The following ADGRG6 variants were observed in gnomAD, a reference collection of about 807,000 sequenced individuals.
The protein encoded by ADGRG6 is G-protein coupled receptor 126.
In ADGRG6, 84 loss-of-function variants were observed where a neutral mutation model predicts 142.4. That is an observed-to-expected ratio of 0.59 (90% CI 0.49 to 0.71). The LOEUF is 0.71. ADGRG6 is among the 30% of genes least tolerant of loss of function. The pLI, the probability that ADGRG6 is intolerant of heterozygous loss-of-function variation, is 0.00. For missense variants in ADGRG6, 1,367 were observed against 1,466.6 expected (o/e 0.93, Z 1.11); for synonymous variants, 521 against 520.5 (o/e 1.00, Z -0.01).
chr6:142,419,962 G>A lies in ADGRG6; in HGVS notation c.3177G>A (p.Leu1059=), dbSNP rs941610508. The stretch of plus-strand genomic sequence containing the variant: ...ATGGCAAGAGAAGCAACCGGACCCT[G>A]AGAGAAGAAGTGTTAAGGAACCTGC... ...GRNGKRSNRT[L]REEVLRNLRS... is the part of the protein sequence containing the mutation. The change falls in exon 22 of 25, where the codon CTG becomes CTA. Residue 1059 remains leucine (L), a synonymous_variant. Transcript: ENST00000367609. 1.8e-5 allele frequency: 29 copies of A among 1,613,472 alleles called. No homozygotes were observed. In the African/African-American group the frequency reaches 3.3e-4, roughly 19 times the overall value.
chr6:142,380,618 T>A (rs965071329), intron 4 of ADGRG6, among the ~76,000 whole-genome samples: 2 of 152,178 alleles, frequency 1.3e-5, no homozygotes, highest in Non-Finnish European at 2.9e-5. Context: ...TTTTAGAAAT[T>A]CTGTCTGCCA....
intron 14 of ADGRG6, among the ~76,000 whole-genome samples, chr6:142,405,153 T>G (rs1775732263): frequency 6.6e-6 from 1 of 152,198 alleles, no homozygotes; most frequent in Non-Finnish European, 1.5e-5. Flanking sequence ...TTTCACATTT[T>G]AAGAGTAAAA....
At chr6:142,440,584 C>T (rs2115211140) in intron 24 of ADGRG6, among the ~76,000 whole-genome samples, 1 of 152,290 alleles carries the variant, frequency 6.6e-6, no homozygotes, top group South Asian at 2.1e-4. Flanking sequence ...ACGTGAGCCA[C>T]CACACTTAGC....
chr6:142,422,352 C>T (rs1224627600), intron 22 of ADGRG6, among the ~76,000 whole-genome samples: 3 of 152,014 alleles, frequency 2.0e-5, no homozygotes, highest in African/African-American at 7.3e-5. Context: ...GTGTGATATT[C>T]CCCTTCCTGT....
chr6:142,439,050 C>T (rs1777620038), intron 24 of ADGRG6, among the ~76,000 whole-genome samples: 1 of 152,124 alleles, frequency 6.6e-6, no homozygotes, highest in Non-Finnish European at 1.5e-5. Flanking sequence ...GCTCTGGAGG[C>T]TGAGATGGTG....
Position 142,370,451 on chromosome 6 carries a change from G to C in ADGRG6, c.727G>C (p.Glu243Gln). 3 of 1,613,468 alleles carry C rather than the reference G, an allele frequency of 1.9e-6. No homozygotes were observed. Among genetic ancestry groups the C allele is most frequent in the Non-Finnish European group, 2.5e-6 (3 of 1,179,460 alleles). ...TAATGCATTACCTGTCAAAGAAAAAGAAGACATTTTTGCAGAAAGCTTTGA... is the reference window on the plus strand; with the variant it reads ...TAATGCATTACCTGTCAAAGAAAAACAAGACATTTTTGCAGAAAGCTTTGA... The part of the protein sequence containing the change: ...LNNALPVKEK[E>Q]DIFAESFEQL... The change falls in exon 4 of 25, where the codon GAA (glutamate) becomes CAA (glutamine). Residue 243 changes from glutamate to glutamine, a missense_variant. Around this residue, in one of 3 missense-constraint regions of ADGRG6, gnomAD observed 737 missense variants for 746.5 expected, o/e 0.99. Coordinates refer to ENST00000367609, the MANE Select transcript of ADGRG6 (RefSeq NM_198569.3).
chr6:142,369,377 C>T (rs996973875), intron 3 of ADGRG6, among the ~76,000 whole-genome samples: 5 of 152,230 alleles, frequency 3.3e-5, no homozygotes, highest in Middle Eastern at 3.4e-3. Flanking sequence ...GACATATTAA[C>T]TTATTTAATT....
intron 2 of ADGRG6, among the ~76,000 whole-genome samples, chr6:142,358,915 T>C (rs1780582582): frequency 6.7e-6 from 1 of 150,258 alleles, no homozygotes; most frequent in Admixed American, 6.6e-5. Flanking sequence ...GTATCTGTGC[T>C]GGCCTGGTGC....
chr6:142,439,424 A>G (rs966102977), intron 24 of ADGRG6, among the ~76,000 whole-genome samples: 2 of 152,174 alleles, frequency 1.3e-5, no homozygotes, highest in African/African-American at 4.8e-5. Flanking sequence ...GCAAATAGGG[A>G]GTAAGGTGTG....
intron 24 of ADGRG6, among the ~76,000 whole-genome samples, chr6:142,443,103 A>G (rs936820599): frequency 1.3e-5 from 2 of 152,160 alleles, no homozygotes; most frequent in Non-Finnish European, 1.5e-5. Context: ...TTCGTATGGT[A>G]AGCCACAGTA....
rs180900504 is a variant in ADGRG6 at position 142,394,874 on chromosome 6, C to T, written c.1424+916C>T. On this transcript the variant is annotated intron_variant, in intron 9 of 24. Transcript: ENST00000367609. Reference sequence around the variant, plus strand: ...AGAGTGCTGGGATTACATGTACAGGCGTGAGATGTCATATCTGGCCTCCAT... The same window carrying T: ...AGAGTGCTGGGATTACATGTACAGGTGTGAGATGTCATATCTGGCCTCCAT... 2.1e-4 allele frequency among the ~76,000 whole-genome samples: 32 copies of T among 152,158 alleles called. 1 individual carries two copies. The highest frequency in any genetic ancestry group is 5.3e-4 in the African/African-American group (22 of 41,536).
At position 142,383,857 on chromosome 6, in the gene ADGRG6, A is replaced by C; in HGVS notation, c.1222+14A>C. ...AACAAAGGAATGGTAAGAAATCATT[A>C]CCTTTTATATTTTTAGTATGTCTAA... On this transcript the variant is annotated intron_variant, in intron 6 of 24. Coordinates refer to ENST00000367609, the MANE Select transcript of ADGRG6 (RefSeq NM_198569.3). 7.6e-7 allele frequency: 1 copy of C among 1,315,036 alleles called. No individual in the cohort carries two copies. Among genetic ancestry groups the C allele is most frequent in the Non-Finnish European group, 1.1e-6 (1 of 912,876 alleles). 81.5% of individuals were successfully genotyped at this position (1,315,036 alleles called of 1,614,324 possible). A position where few individuals can be genotyped will look rare whatever the true frequency, so the allele number is the denominator to read the frequency against.
chr6:142,306,873 A>G (rs560344702), intron 1 of ADGRG6, among the ~76,000 whole-genome samples: 1 of 152,094 alleles, frequency 6.6e-6, no homozygotes, highest in Admixed American at 6.6e-5. Context: ...TTCTTCAGTA[A>G]ACAGTAAAGT....
intron 4 of ADGRG6, among the ~76,000 whole-genome samples, chr6:142,376,672 ATAAAAT>A (rs1318569695): frequency 6.6e-6 from 1 of 152,196 alleles, no homozygotes; most frequent in Admixed American, 6.5e-5. Context: ...TTTTTAAATA[ATAAAAT>A]TAAGATAAAT....
At chr6:142,428,857 T>C (rs999586929) in intron 22 of ADGRG6, among the ~76,000 whole-genome samples, 5 of 150,306 alleles carry the variant, frequency 3.3e-5, no homozygotes, top group African/African-American at 1.3e-4. Flanking sequence ...ATCACCTACT[T>C]AATTTAAGTT....
chr6:142,437,575 T>C (rs971077979), intron 23 of ADGRG6, 40 bp downstream of exon 23: 1 of 926,866 alleles, frequency 1.1e-6, no homozygotes, highest in Admixed American at 1.7e-5. Context: ...TACAAGTAGA[T>C]GGGAAAGTTT....
rs1004934221 is a variant in ADGRG6, at chr6:142,445,186, A to T, written c.*1671A>T. On this transcript the variant is annotated 3_prime_UTR_variant, in exon 25 of 25. Transcript: ENST00000367609. ...CCATTTTGCAACATCCTGCAACACC[A>T]TCCTGGGAGACAAGAGCATTACCCA... 6.6e-6 allele frequency: 1 copy of T among 152,040 alleles called. No individual in the cohort carries two copies. Among genetic ancestry groups the T allele is most frequent in the Non-Finnish European group, 1.5e-5 (1 of 68,008 alleles). 9.4% of individuals were successfully genotyped at this position (152,040 alleles called of 1,614,324 possible).
chr6:142,305,409 C>A (rs866181545), intron 1 of ADGRG6, among the ~76,000 whole-genome samples: 23 of 147,780 alleles, frequency 1.6e-4, no homozygotes, highest in Middle Eastern at 6.9e-3. Flanking sequence ...TTTCCTGCCC[C>A]CCCCCACGAG....
At chr6:142,405,490 A>G in intron 14 of ADGRG6, 198 bp from the exon 15 acceptor site, 3 of 670,848 alleles carry the variant, frequency 4.5e-6, no homozygotes, top group Non-Finnish European at 8.2e-6. Context: ...GCACACATGT[A>G]AAACCCAAAT....
Sources: allele counts gnomAD v4.1 joint callset (sites outside exome capture counted in the v4.1 genomes callset), GRCh38; gene constraint gnomAD v4.1.1; regional missense constraint gnomAD v4.1.1; transcripts MANE v1.5; gene names NCBI Gene and HGNC (gene_info 2026-07-23, HGNC 2026-07-21).